The following ZNF521 variants were observed in gnomAD, a reference collection of about 807,000 sequenced individuals.
The protein encoded by ZNF521 is zinc finger protein 521.
A neutral mutation model predicts 105.5 loss-of-function variants in ZNF521; 14 were observed. The observed-to-expected ratio is 0.13, with a 90% CI of 0.09 to 0.21. The LOEUF (loss-of-function observed/expected upper bound fraction) is 0.21, where lower values mean the gene tolerates loss of function less well. Among genes scored for constraint, ZNF521 ranks in the 10% least tolerant of loss-of-function variants. The pLI, the probability that ZNF521 is intolerant of heterozygous loss-of-function variation, is 1.00. For synonymous variants in ZNF521, 635 were observed against 606.0 expected (o/e 1.05, Z -0.70); for missense variants, 1,233 against 1,629.7 (o/e 0.76, Z 4.19).
chr18:25,295,843 T>C (rs575780610), intron 3 of ZNF521, among the ~76,000 whole-genome samples: 8 of 152,210 alleles, frequency 5.3e-5, no homozygotes, highest in Non-Finnish European at 1.2e-4. Flanking sequence ...TCATAGAGTT[T>C]ACATATCCTT....
chr18:25,100,038 T>C (rs1021579942), intron 5 of ZNF521, among the ~76,000 whole-genome samples: 3 of 152,068 alleles, frequency 2.0e-5, no homozygotes, highest in Admixed American at 1.3e-4. Flanking sequence ...TGTTTTCCTG[T>C]TGCTGTGCTG....
chr18:25,286,931 C>T (rs1910738647), intron 3 of ZNF521, among the ~76,000 whole-genome samples: 1 of 152,168 alleles, frequency 6.6e-6, no homozygotes, highest in Admixed American at 6.5e-5. Flanking sequence ...TTGCAAATTA[C>T]ATCATATGGG....
intron 3 of ZNF521, among the ~76,000 whole-genome samples, chr18:25,278,758 T>C (rs1013070763): frequency 6.6e-6 from 1 of 152,124 alleles, no homozygotes; most frequent in Non-Finnish European, 1.5e-5. Flanking sequence ...AAAAAATCTC[T>C]CTTTCTCCAC....
At chr18:25,244,330 A>C (rs576853826) in intron 3 of ZNF521, among the ~76,000 whole-genome samples, 2 of 150,096 alleles carry the variant, frequency 1.3e-5, no homozygotes, top group East Asian at 2.0e-4. Context: ...CCTTTATACC[A>C]CCCCACATCC....
intron 3 of ZNF521, among the ~76,000 whole-genome samples, chr18:25,292,068 G>A (rs1911062592): frequency 6.6e-6 from 1 of 152,158 alleles, no homozygotes; most frequent in South Asian, 2.1e-4. Context: ...AGAAGAAAAA[G>A]TGCTATCCAA....
At chr18:25,343,008 G>A (rs949910970) in intron 2 of ZNF521, among the ~76,000 whole-genome samples, 2 of 152,124 alleles carry the variant, frequency 1.3e-5, no homozygotes, top group African/African-American at 4.8e-5. Context: ...TTAGATTCCA[G>A]GTCACAGAAA....
At chr18:25,135,832 T>C (rs2034723981) in intron 5 of ZNF521, among the ~76,000 whole-genome samples, 1 of 152,184 alleles carries the variant, frequency 6.6e-6, no homozygotes, top group African/African-American at 2.4e-5. Context: ...CTGTATTATT[T>C]TTGATTTATA....
At chr18:25,317,611 T>G (rs1319210974) in intron 3 of ZNF521, among the ~76,000 whole-genome samples, 2 of 152,330 alleles carry the variant, frequency 1.3e-5, no homozygotes, top group African/African-American at 4.8e-5. Context: ...CTAATGTTAG[T>G]GCTGATTCTA....
chr18:25,062,464 C>G lies in ZNF521; in HGVS notation c.*248G>C. The G allele has an allele frequency of 2.2e-6, 1 of 450,542 alleles. No homozygotes were observed. The highest frequency in any genetic ancestry group is 3.8e-6 in the Non-Finnish European group (1 of 264,014). 27.9% of individuals were successfully genotyped at this position (450,542 alleles called of 1,614,324 possible). ...CTTGCCTGAATAGGGCCCAAGTCCA[C>G]TTGTCTTTATAAGACCATTTTAGTA... On this transcript the variant is annotated 3_prime_UTR_variant, in exon 8 of 8. Coordinates refer to ENST00000361524, the MANE Select transcript of ZNF521 (RefSeq NM_015461.3).
At chr18:25,118,330 G>A (rs1338720959) in intron 5 of ZNF521, among the ~76,000 whole-genome samples, 1 of 151,748 alleles carries the variant, frequency 6.6e-6, no homozygotes, top group African/African-American at 2.4e-5. Context: ...TGAAAGCTTG[G>A]GTCTTCAGGG....
intron 3 of ZNF521, among the ~76,000 whole-genome samples, chr18:25,320,361 G>A (rs1040306511): frequency 6.6e-6 from 1 of 152,050 alleles, no homozygotes; most frequent in African/African-American, 2.4e-5. Context: ...AGTAGAGACG[G>A]GGTTTCACCA....
chr18:25,099,152 C>T (rs903376433), intron 5 of ZNF521, among the ~76,000 whole-genome samples: 1 of 152,138 alleles, frequency 6.6e-6, no homozygotes, highest in African/African-American at 2.4e-5. Context: ...GTACCTAGAA[C>T]AGTACATGGC....
chr18:25,182,558 T>C (rs1477325635), intron 5 of ZNF521, among the ~76,000 whole-genome samples: 2 of 152,246 alleles, frequency 1.3e-5, no homozygotes, highest in East Asian at 1.9e-4. Context: ...TCTCCTTTAT[T>C]CATTCTTTAT....
At chr18:25,143,611 A>G (rs2034891060) in intron 5 of ZNF521, among the ~76,000 whole-genome samples, 1 of 152,184 alleles carries the variant, frequency 6.6e-6, no homozygotes, top group South Asian at 2.1e-4. Flanking sequence ...AGCTTTCTTC[A>G]GATACCTTGT....
At chr18:25,174,344 T>C (rs1021185642) in intron 5 of ZNF521, among the ~76,000 whole-genome samples, 11 of 152,290 alleles carry the variant, frequency 7.2e-5, no homozygotes, top group African/African-American at 2.2e-4. Flanking sequence ...ATGGTGAAGC[T>C]GCTGTTGTCT....
At chr18:25,337,458 A>T (rs1913955793) in intron 2 of ZNF521, among the ~76,000 whole-genome samples, 1 of 152,340 alleles carries the variant, frequency 6.6e-6, no homozygotes, top group South Asian at 2.1e-4. Context: ...ACCAGAAGAT[A>T]AAAAACCCAA....
At chr18:25,095,673 A>G (rs1311724326) in intron 5 of ZNF521, among the ~76,000 whole-genome samples, 1 of 152,160 alleles carries the variant, frequency 6.6e-6, no homozygotes, top group Non-Finnish European at 1.5e-5. Flanking sequence ...CAACACTGAA[A>G]TTTTGCTAGC....
intron 4 of ZNF521, among the ~76,000 whole-genome samples, chr18:25,199,538 T>C (rs1218029914): frequency 6.6e-6 from 1 of 151,986 alleles, no homozygotes; most frequent in East Asian, 1.9e-4. Context: ...TGGTAGGAGA[T>C]GCATACTGAG....
chr18:25,342,287 T>C (rs979725319), intron 2 of ZNF521, among the ~76,000 whole-genome samples: 1 of 152,114 alleles, frequency 6.6e-6, no homozygotes, highest in African/African-American at 2.4e-5. Flanking sequence ...AACCCCCCTA[T>C]GTATAGGAAC....
Sources: gnomAD v4.1 joint callset for allele counts (sites outside exome capture counted in the v4.1 genomes callset) on GRCh38, gnomAD v4.1.1 for gene constraint, MANE v1.5 for transcripts, NCBI Gene and HGNC (gene_info 2026-07-23, HGNC 2026-07-21) for gene names.